Variants in PTPRK observed in about 807,000 individuals in gnomAD.
PTPRK encodes receptor-type tyrosine-protein phosphatase kappa.
In PTPRK, 75 loss-of-function variants were observed where a neutral mutation model predicts 178.0. That is an observed-to-expected ratio of 0.42 (90% CI 0.35 to 0.51). The LOEUF (loss-of-function observed/expected upper bound fraction) is 0.51, where lower values mean the gene tolerates loss of function less well. PTPRK is among the 20% of genes least tolerant of loss of function. The pLI is 0.02. For synonymous variants in PTPRK, 637 were observed against 620.6 expected (o/e 1.03, Z -0.39); for missense variants, 1,441 against 1,797.8 (o/e 0.80, Z 3.59).
chr6:128,211,506 C>A (rs114553216), intron 6 of PTPRK, among the ~76,000 whole-genome samples: 2,162 of 152,098 alleles, frequency 0.014, 20 homozygotes, highest in African/African-American at 0.03. Context: ...TTTGAACAAG[C>A]CGGTTTTGAT....
chr6:128,243,910 T>C (rs1213363176), intron 3 of PTPRK, among the ~76,000 whole-genome samples: 1 of 152,116 alleles, frequency 6.6e-6, no homozygotes, highest in Non-Finnish European at 1.5e-5. Context: ...TATTTGGCTA[T>C]AAAGTGAAAG....
chr6:128,068,996 T>TA (rs1436165308), intron 11 of PTPRK, among the ~76,000 whole-genome samples: 1 of 150,836 alleles, frequency 6.6e-6, no homozygotes, highest in Non-Finnish European at 1.5e-5. Context: ...GAGAGAGAGA[T>TA]ACACTGAACA....
At chr6:127,999,016 G>A in intron 15 of PTPRK, 112 bp from the exon 16 acceptor site, 1 of 909,562 alleles carries the variant, frequency 1.1e-6, no homozygotes, top group Non-Finnish European at 1.6e-6. Context: ...GATAACAAGA[G>A]GAATTCTGGG....
Position 128,094,437 on chromosome 6 carries a change from G to C in PTPRK, c.1163-4445C>G, listed in dbSNP as rs1016517545. On this transcript the variant is annotated intron_variant, in intron 7 of 29. Transcript: ENST00000368226. ...TGGAAGGAAAACTGAAAAACTTGGT[G>C]GTTACTTGGATTTGAGTTATGTGAA... Among the ~76,000 whole-genome samples the C allele has an allele frequency of 2.0e-5, 3 of 152,040 alleles. No individual in the cohort carries two copies. In the East Asian group the frequency reaches 5.8e-4, roughly 29 times the overall value.
Position 128,014,733 on chromosome 6 carries a change from G to T in PTPRK, c.2195-5465C>A, listed in dbSNP as rs114605142. On this transcript the variant is annotated intron_variant, in intron 13 of 29. Transcript: ENST00000368226. ...CAATGACAGGTTTTGTAAAGCACAT[G>T]TTATTTATTACACAGGCTGCCACAC... Among the ~76,000 whole-genome samples the T allele has an allele frequency of 9.0e-3, 1,365 of 151,714 alleles. 21 individuals carry two copies. The highest frequency in any genetic ancestry group is 0.031 in the African/African-American group (1,278 of 41,486).
intron 2 of PTPRK, among the ~76,000 whole-genome samples, chr6:128,373,678 G>A (rs889648002): frequency 1.3e-5 from 2 of 151,976 alleles, no homozygotes; most frequent in Non-Finnish European, 2.9e-5. Context: ...ATTACAAAGT[G>A]CTAAAGGTAA....
intron 5 of PTPRK, among the ~76,000 whole-genome samples, chr6:128,233,638 A>G (rs1285418870): frequency 6.6e-6 from 1 of 152,240 alleles, no homozygotes; most frequent in East Asian, 1.9e-4. Flanking sequence ...TATTCTAGCA[A>G]TGATGAGCCT....
Position 128,486,057 on chromosome 6 carries a change from T to C in PTPRK, c.100+34202A>G, listed in dbSNP as rs543809046. On this transcript the variant is annotated intron_variant, in intron 1 of 29. Transcript: ENST00000368226. Reference sequence around the variant, plus strand: ...AATTTTAGTTGAATTCTAAAATGTATGTTCATTAAATAGTTTCATATTTTC... The same window carrying C: ...AATTTTAGTTGAATTCTAAAATGTACGTTCATTAAATAGTTTCATATTTTC... Among the ~76,000 whole-genome samples, 10 of 152,304 alleles carry C rather than the reference T, an allele frequency of 6.6e-5. No individual in the cohort carries two copies. The South Asian group carries it at 2.1e-3, about 32-fold the overall frequency.
chr6:128,267,670 T>C (rs1371017702), intron 3 of PTPRK, among the ~76,000 whole-genome samples: 1 of 152,072 alleles, frequency 6.6e-6, no homozygotes, highest in Non-Finnish European at 1.5e-5. Flanking sequence ...TAACAACATA[T>C]ACAATCCCTT....
chr6:128,429,747 T>C (rs1844583484), intron 1 of PTPRK, among the ~76,000 whole-genome samples: 2 of 152,202 alleles, frequency 1.3e-5, no homozygotes, highest in African/African-American at 4.8e-5. Context: ...AAGTTTGCCT[T>C]AGTGACTCAG....
chr6:128,089,788 T>G lies in PTPRK; in HGVS notation c.1367A>C (p.His456Pro). 1 of 1,613,832 alleles carries G rather than the reference T, an allele frequency of 6.2e-7. No individual in the cohort carries two copies. Residue 456 changes from histidine to proline, a missense_variant, in exon 8 of 30, where the codon CAT (histidine) becomes CCT (proline). Around this residue, in one of 4 missense-constraint regions of PTPRK, gnomAD observed 945 missense variants for 1,080.6 expected, o/e 0.87. Transcript: ENST00000368226. ...GCTGACATTTGTATAAGGTGGCAGA[T>G]GGTTCACAACATGCTGAGGGGCTTT... ...DPKAPQHVVN[H>P]LPPYTNVSLK...
At chr6:127,985,992 A>C in intron 21 of PTPRK, 117 bp from the exon 22 acceptor site, 1 of 980,096 alleles carries the variant, frequency 1.0e-6, no homozygotes, top group South Asian at 2.7e-5. Flanking sequence ...AACCTTTACG[A>C]AAGACTATGC....
intron 3 of PTPRK, among the ~76,000 whole-genome samples, chr6:128,288,693 A>G (rs1284377039): frequency 2.0e-5 from 3 of 152,116 alleles, no homozygotes; most frequent in Non-Finnish European, 4.4e-5. Context: ...ACTATATTAA[A>G]TTACAAATAC....
intron 1 of PTPRK, among the ~76,000 whole-genome samples, chr6:128,464,634 T>TATATATATATATATATATATATAC (rs1187260110): frequency 5.4e-4 from 22 of 40,886 alleles, no homozygotes; most frequent in African/African-American, 3.8e-3. Context: ...TATATATATA[T>TATATATATATATATATATATATAC]ACACATATAT....
chr6:128,169,805 G>A (rs1372357066), intron 7 of PTPRK, among the ~76,000 whole-genome samples: 1 of 151,370 alleles, frequency 6.6e-6, no homozygotes, highest in East Asian at 1.9e-4. Flanking sequence ...GTGTGTGTGT[G>A]TGTGTGTGTG....
intron 5 of PTPRK, among the ~76,000 whole-genome samples, chr6:128,223,140 T>C (rs1810705367): frequency 6.6e-6 from 1 of 151,620 alleles, no homozygotes; most frequent in African/African-American, 2.4e-5. Flanking sequence ...GAAGGTAGGG[T>C]TTCATGTCTC....
chr6:127,981,871 A>C (rs1226226732), intron 24 of PTPRK, among the ~76,000 whole-genome samples: 1 of 152,182 alleles, frequency 6.6e-6, no homozygotes, highest in Non-Finnish European at 1.5e-5. Flanking sequence ...TCTGTTGCCC[A>C]GGTTGGAGTG....
chr6:128,425,110 G>A (rs1202458687), intron 1 of PTPRK, among the ~76,000 whole-genome samples: 6 of 140,940 alleles, frequency 4.3e-5, no homozygotes, highest in African/African-American at 1.4e-4. Context: ...ACGGAGTCTC[G>A]CTCTGTTACC....
intron 6 of PTPRK, among the ~76,000 whole-genome samples, chr6:128,202,612 C>T (rs886829889): frequency 2.7e-5 from 4 of 150,294 alleles, no homozygotes; most frequent in Admixed American, 2.6e-4. Flanking sequence ...ACAGTGCTGA[C>T]AGGCTGACAG....
Sources: gnomAD v4.1 joint callset for allele counts (sites outside exome capture counted in the v4.1 genomes callset) on GRCh38, gnomAD v4.1.1 for gene constraint, gnomAD v4.1.1 regional missense constraint, MANE v1.5 for transcripts, NCBI Gene and HGNC (gene_info 2026-07-23, HGNC 2026-07-21) for gene names.